The following TUBA1C variants were observed in gnomAD, a reference collection of about 807,000 sequenced individuals.
The protein encoded by TUBA1C is tubulin alpha 1c, also known as tubulin alpha-1C chain.
Under a neutral mutation model 34.9 loss-of-function variants are expected in TUBA1C, and 16 were observed. That is an observed-to-expected ratio of 0.46 (90% CI 0.31 to 0.70). The LOEUF is 0.70. Among genes scored for constraint, TUBA1C ranks in the 30% least tolerant of loss-of-function variants. TUBA1C has a pLI of 0.05. For synonymous variants in TUBA1C, 177 were observed against 215.9 expected (o/e 0.82, Z 1.58); for missense variants, 329 against 587.3 (o/e 0.56, Z 4.55).
chr12:49,248,875 A>C (rs1004532079), intron 1 of TUBA1C, among the ~76,000 whole-genome samples: 3 of 128,972 alleles, frequency 2.3e-5, no homozygotes, highest in Non-Finnish European at 4.9e-5. Flanking sequence ...CTCAAAAAAA[A>C]AAAAAAAAAA....
intron 1 of TUBA1C, among the ~76,000 whole-genome samples, chr12:49,266,001 G>GC (rs1227687398): frequency 6.9e-6 from 1 of 145,410 alleles, no homozygotes; most frequent in Non-Finnish European, 1.5e-5. Flanking sequence ...GTGGTGGCGC[G>GC]CGCCGGTAAT....
intron 1 of TUBA1C, among the ~76,000 whole-genome samples, chr12:49,265,565 A>T (rs1034136648): frequency 3.3e-5 from 5 of 152,272 alleles, no homozygotes; most frequent in Admixed American, 6.5e-5. Context: ...CTGCCTTACA[A>T]ACTGGGCCCC....
intron 1 of TUBA1C, among the ~76,000 whole-genome samples, chr12:49,239,479 A>G (rs1359384961): frequency 6.6e-6 from 1 of 152,002 alleles, no homozygotes; most frequent in African/African-American, 2.4e-5. Context: ...CATCTCTACT[A>G]AAAATACAAA....
At chr12:49,261,229 CAA>C (rs60770205), upstream of TUBA1C, among the ~76,000 whole-genome samples, 2 of 131,940 alleles carry the variant, frequency 1.5e-5, no homozygotes. Context: ...GACACCGTCT[CAA>C]AAAAAAAAAA....
chr12:49,228,799 T>A (rs1377868129), intron 1 of TUBA1C, among the ~76,000 whole-genome samples: 1 of 152,234 alleles, frequency 6.6e-6, no homozygotes, highest in Non-Finnish European at 1.5e-5. Context: ...TACAAGTCTC[T>A]GTTCCCCAGG....
At chr12:49,242,466 TTTTTG>T (rs1942627344) in intron 1 of TUBA1C, among the ~76,000 whole-genome samples, 12 of 151,990 alleles carry the variant, frequency 7.9e-5, no homozygotes, top group Admixed American at 2.6e-4. Flanking sequence ...GTTGTGTGTG[TTTTTG>T]TTTTGTTTTG....
intron 3 of TUBA1C, chr12:49,270,229 A>G: frequency 3.0e-6 from 2 of 658,654 alleles, no homozygotes; most frequent in South Asian, 3.6e-5. Context: ...TCTTAGTCAT[A>G]CTGAGTGAGT....
At chr12:49,270,917 T>C (rs564834309) in intron 3 of TUBA1C, among the ~76,000 whole-genome samples, 22 of 152,172 alleles carry the variant, frequency 1.4e-4, no homozygotes, top group Non-Finnish European at 2.5e-4. Context: ...AGGCGGAGCT[T>C]GCAGTGAGCC....
At chr12:49,264,985 G>A (rs923003041), upstream of TUBA1C, 9 of 725,330 alleles carry the variant, frequency 1.2e-5, no homozygotes, top group Non-Finnish European at 1.7e-5. Context: ...GCTCGAAGGT[G>A]GGGCCGCAGC....
At chr12:49,257,398 A>G (rs1487934700) in intron 1 of TUBA1C, among the ~76,000 whole-genome samples, 1 of 152,160 alleles carries the variant, frequency 6.6e-6, no homozygotes, top group African/African-American at 2.4e-5. Flanking sequence ...TCCTCAGTCC[A>G]GGGATGAACA....
At chr12:49,253,906 G>A (rs997686253) in intron 1 of TUBA1C, among the ~76,000 whole-genome samples, 1 of 152,136 alleles carries the variant, frequency 6.6e-6, no homozygotes, top group African/African-American at 2.4e-5. Context: ...AAATTATGAA[G>A]CAAGATCCCA....
At chr12:49,268,990 T>G (rs1231500508) in intron 1 of TUBA1C, among the ~76,000 whole-genome samples, 4 of 152,242 alleles carry the variant, frequency 2.6e-5, no homozygotes, top group Admixed American at 1.3e-4. Flanking sequence ...AAGGCACTTT[T>G]GCTGAATTAG....
At chr12:49,253,086 TAAAAAAAAAAA>T (rs896502071) in intron 1 of TUBA1C, among the ~76,000 whole-genome samples, 1 of 95,606 alleles carries the variant, frequency 1.0e-5, no homozygotes. Flanking sequence ...GACCCTATCT[TAAAAAAAAAAA>T]AAAAAAAAAA....
At chr12:49,268,115 C>G (rs144976892) in intron 1 of TUBA1C, among the ~76,000 whole-genome samples, 282 of 152,052 alleles carry the variant, frequency 1.9e-3, no homozygotes, top group Middle Eastern at 0.014. Flanking sequence ...CACACAGACA[C>G]AGACACAGAG....
At chr12:49,255,976 G>A (rs981847717) in intron 1 of TUBA1C, among the ~76,000 whole-genome samples, 3 of 152,198 alleles carry the variant, frequency 2.0e-5, no homozygotes, top group Admixed American at 6.5e-5. Context: ...GTGGTGGCAC[G>A]TGCCTGTAGT....
chr12:49,256,468 T>C (rs1234629671), intron 1 of TUBA1C: 6 of 455,028 alleles, frequency 1.3e-5, no homozygotes, highest in Non-Finnish European at 1.8e-5. Context: ...GGATAAGAAG[T>C]CGATTTTGTA....
chr12:49,240,701 C>T (rs1403035087), intron 1 of TUBA1C, among the ~76,000 whole-genome samples: 1 of 152,194 alleles, frequency 6.6e-6, no homozygotes, highest in East Asian at 1.9e-4. Flanking sequence ...GGTCCTTCTG[C>T]CTCAGCCTTC....
chr12:49,228,864 A>C (rs1001584430), intron 1 of TUBA1C, among the ~76,000 whole-genome samples: 1 of 152,110 alleles, frequency 6.6e-6, no homozygotes, highest in African/African-American at 2.4e-5. Flanking sequence ...CACCCTGTGA[A>C]GTGTGTTACT....
intron 3 of TUBA1C, among the ~76,000 whole-genome samples, chr12:49,270,993 AC>A (rs771310924): frequency 0.018 from 2,706 of 152,170 alleles, 38 homozygotes; most frequent in Middle Eastern, 0.065. Context: ...AAACAAACAA[AC>A]AAAAAAAACC....
Sources: allele counts gnomAD v4.1 joint callset (sites outside exome capture counted in the v4.1 genomes callset), GRCh38; gene constraint gnomAD v4.1.1; transcripts MANE v1.5; gene names NCBI Gene and HGNC (gene_info 2026-07-23, HGNC 2026-07-21).